Variants in SNTA1 observed in about 807,000 individuals in gnomAD.
SNTA1 encodes the protein alpha-1-syntrophin.
SNTA1 carries 31 observed loss-of-function variants against 47.1 expected under a neutral mutation model. The ratio of observed to expected loss-of-function variants is 0.66; its 90% CI spans 0.49 to 0.89. The LOEUF (loss-of-function observed/expected upper bound fraction) is 0.89. SNTA1 is among the 40% of genes least tolerant of loss of function. The pLI, the probability that SNTA1 is intolerant of heterozygous loss-of-function variation, is 0.00. For missense variants in SNTA1, 575 were observed against 693.0 expected, an observed-to-expected ratio of 0.83 and a Z score of 1.91; for synonymous variants, 300 against 313.6, an observed-to-expected ratio of 0.96 and a Z score of 0.46.
intron 2 of SNTA1, among the ~76,000 whole-genome samples, chr20:33,428,932 T>G (rs1031321694): frequency 6.6e-6 from 1 of 151,756 alleles, no homozygotes; most frequent in African/African-American, 2.4e-5. Flanking sequence ...TCCCAGCTAC[T>G]TGGGAGGCTG....
At chr20:33,434,682 T>G (rs1013617504) in intron 2 of SNTA1, among the ~76,000 whole-genome samples, 1 of 151,752 alleles carries the variant, frequency 6.6e-6, no homozygotes, top group Non-Finnish European at 1.5e-5. Flanking sequence ...GAACCACCAG[T>G]GGAGCTGACG....
intron 1 of SNTA1, among the ~76,000 whole-genome samples, chr20:33,441,371 C>T (rs1229606001): frequency 6.6e-6 from 1 of 152,140 alleles, no homozygotes; most frequent in Non-Finnish European, 1.5e-5. Context: ...TGGCTCATCC[C>T]CAGAATACTG....
At chr20:33,428,121 G>A (rs1990209844) in intron 2 of SNTA1, among the ~76,000 whole-genome samples, 1 of 151,994 alleles carries the variant, frequency 6.6e-6, no homozygotes, top group Non-Finnish European at 1.5e-5. Flanking sequence ...TAAAAAGAAT[G>A]AGGGGCCGGG....
intron 2 of SNTA1, among the ~76,000 whole-genome samples, chr20:33,428,490 C>A (rs1026069906): frequency 1.3e-5 from 2 of 151,638 alleles, no homozygotes; most frequent in African/African-American, 4.8e-5. Flanking sequence ...GTGATAAAAG[C>A]AAATATGGAA....
Position 33,417,924 on chromosome 20 carries a change from C to T in SNTA1, c.497-1G>A. On this transcript the variant is annotated splice_acceptor_variant, in intron 2 of 7. Coordinates refer to ENST00000217381, the MANE Select transcript of SNTA1 (RefSeq NM_003098.3). LOFTEE classifies it high-confidence loss of function. The stretch of plus-strand genomic sequence containing the variant: ...GGTGAGACGTCCTTCATATACTTGA[C>T]TGATTGGGAGAGACATCAGCAGTCA... 6.2e-7 allele frequency: 1 copy of T among 1,609,632 alleles called. No individual in the cohort carries two copies. Among genetic ancestry groups the T allele is most frequent in the Non-Finnish European group, 8.5e-7 (1 of 1,175,988 alleles).
chr20:33,412,497 G>A (rs1230482783), intron 4 of SNTA1, 71 bp from the exon 5 acceptor site: 45 of 1,603,646 alleles, frequency 2.8e-5, no homozygotes, highest in Non-Finnish European at 3.5e-5. Context: ...AGGGTGAGGT[G>A]GCCAGGGGCA....
intron 2 of SNTA1, among the ~76,000 whole-genome samples, chr20:33,421,375 G>GCTGAGGCGGGAGGATCAC (rs1166672611): frequency 6.7e-6 from 1 of 149,954 alleles, no homozygotes; most frequent in East Asian, 2.0e-4. Flanking sequence ...ACTTTGGGAG[G>GCTGAGGCGGGAGGATCAC]CTGAGGCGGG....
intron 2 of SNTA1, among the ~76,000 whole-genome samples, chr20:33,438,153 A>G (rs1990487247): frequency 6.6e-6 from 1 of 152,188 alleles, no homozygotes; most frequent in African/African-American, 2.4e-5. Context: ...TATAAAAATT[A>G]GCTGGGCATG....
intron 1 of SNTA1, among the ~76,000 whole-genome samples, chr20:33,439,967 T>C (rs1435485655): frequency 6.6e-6 from 1 of 151,206 alleles, no homozygotes; most frequent in East Asian, 2.0e-4. Context: ...CTACCAAAAA[T>C]ACAAAAAATT....
intron 2 of SNTA1, among the ~76,000 whole-genome samples, chr20:33,430,090 A>C (rs748160732): frequency 8.5e-4 from 130 of 152,262 alleles, no homozygotes; most frequent in Non-Finnish European, 1.4e-3. Flanking sequence ...GCCATAGTTC[A>C]GAGATAATGC....
At chr20:33,433,233 G>T (rs1456006413) in intron 2 of SNTA1, among the ~76,000 whole-genome samples, 1 of 148,214 alleles carries the variant, frequency 6.7e-6, no homozygotes, top group Non-Finnish European at 1.5e-5. Context: ...CCTGGCCTTA[G>T]TATTATTTTT....
At chr20:33,432,594 G>A (rs568138488) in intron 2 of SNTA1, among the ~76,000 whole-genome samples, 16 of 152,302 alleles carry the variant, frequency 1.1e-4, no homozygotes, top group African/African-American at 3.8e-4. Flanking sequence ...ACAATAACAG[G>A]ATCAGGCGCA....
chr20:33,436,881 G>A (rs550071021), intron 2 of SNTA1, among the ~76,000 whole-genome samples: 2 of 149,656 alleles, frequency 1.3e-5, no homozygotes, highest in Non-Finnish European at 2.9e-5. Flanking sequence ...CAGAAGAATC[G>A]CTTGAACCTG....
At chr20:33,410,361 G>A (rs780530400) in intron 5 of SNTA1, 30 bp from the exon 6 acceptor site, 2 of 1,469,084 alleles carry the variant, frequency 1.4e-6, no homozygotes, top group Non-Finnish European at 1.9e-6. Flanking sequence ...GGCTGAGCAT[G>A]AGGCCTCAGG....
At chr20:33,415,751 A>C (rs1421892626) in intron 3 of SNTA1, among the ~76,000 whole-genome samples, 4 of 151,180 alleles carry the variant, frequency 2.6e-5, no homozygotes, top group African/African-American at 9.7e-5. Context: ...AGATTGTACC[A>C]CTGCACTCCA....
chr20:33,408,976 G>T, intron 6 of SNTA1, 88 bp from the exon 7 acceptor site: 1 of 1,184,360 alleles, frequency 8.4e-7, no homozygotes, highest in Non-Finnish European at 1.3e-6. Context: ...TTACAAAGTG[G>T]GGCCTGAATG....
At chr20:33,433,209 C>T (rs1990353071) in intron 2 of SNTA1, among the ~76,000 whole-genome samples, 1 of 151,714 alleles carries the variant, frequency 6.6e-6, no homozygotes, top group Admixed American at 6.6e-5. Context: ...GGATTACAGG[C>T]GTGAGCCACC....
At chr20:33,414,272 A>AAAAAC in intron 3 of SNTA1, among the ~76,000 whole-genome samples, 1 of 138,698 alleles carries the variant, frequency 7.2e-6, no homozygotes, top group Non-Finnish European at 1.6e-5. Flanking sequence ...AAAAAAAAAA[A>AAAAAC]CAGAAAAACA....
At chr20:33,411,695 C>T (rs1568747638) in intron 5 of SNTA1, among the ~76,000 whole-genome samples, 2 of 152,214 alleles carry the variant, frequency 1.3e-5, no homozygotes, top group South Asian at 2.1e-4. Context: ...GCAATAGAAG[C>T]TCTTCAAGAT....
Sources: gnomAD v4.1 joint callset for allele counts (sites outside exome capture counted in the v4.1 genomes callset) on GRCh38, gnomAD v4.1.1 for gene constraint, MANE v1.5 for transcripts, NCBI Gene and HGNC (gene_info 2026-07-23, HGNC 2026-07-21) for gene names.